Variants in ARL6IP6 observed in about 807,000 individuals in gnomAD.
ARL6IP6 encodes ADP-ribosylation factor-like protein 6-interacting protein 6.
Under a neutral mutation model 21.5 loss-of-function variants are expected in ARL6IP6, and 22 were observed. The ratio of observed to expected loss-of-function variants is 1.02; its 90% CI spans 0.73 to 1.46. ARL6IP6 has a LOEUF of 1.46. Ranked by LOEUF, ARL6IP6 falls within the 40% of genes most tolerant of loss-of-function variation. ARL6IP6 has a pLI of 0.00. For missense variants in ARL6IP6, 388 were observed against 299.8 expected (o/e 1.29, Z -2.17); for synonymous variants, 164 against 125.3 (o/e 1.31, Z -2.06).
At chr2:152,746,992 A>C (rs967195952) in intron 3 of ARL6IP6, among the ~76,000 whole-genome samples, 4 of 151,446 alleles carry the variant, frequency 2.6e-5, no homozygotes, top group African/African-American at 9.7e-5. Flanking sequence ...TGCCTGGCTA[A>C]ATTTTTTATT....
At chr2:152,722,775 G>T (rs182072784) in intron 2 of ARL6IP6, among the ~76,000 whole-genome samples, 298 of 152,268 alleles carry the variant, frequency 2.0e-3, no homozygotes, top group African/African-American at 6.8e-3. Context: ...GGGCATGGTG[G>T]CACAGGCCTG....
intron 3 of ARL6IP6, among the ~76,000 whole-genome samples, chr2:152,757,921 G>T (rs540501309): frequency 6.6e-6 from 1 of 152,132 alleles, no homozygotes; most frequent in African/African-American, 2.4e-5. Flanking sequence ...TGTAGTTGTC[G>T]GCTTAGTAAA....
intron 2 of ARL6IP6, among the ~76,000 whole-genome samples, chr2:152,727,378 AAAGT>A (rs774465653): frequency 2.0e-5 from 3 of 152,234 alleles, no homozygotes; most frequent in Non-Finnish European, 4.4e-5. Context: ...TAAAATTTAT[AAAGT>A]AAGAAAGTTA....
chr2:152,731,351 T>A (rs890144859), intron 2 of ARL6IP6, among the ~76,000 whole-genome samples: 2 of 152,182 alleles, frequency 1.3e-5, no homozygotes, highest in Admixed American at 6.5e-5. Context: ...TTACTGAGCT[T>A]CACAAGATTT....
Position 152,720,096 on chromosome 2 carries a change from C to G in ARL6IP6, c.401-437C>G, listed in dbSNP as rs1480422202. 5 of 342,238 alleles carry G rather than the reference C, an allele frequency of 1.5e-5. No homozygotes were observed. The East Asian group carries it at 2.4e-4, about 17-fold the overall frequency. The allele number at this position is 342,238 out of a possible 1,614,324, so 21.2% of individuals were successfully genotyped here. A position where few individuals can be genotyped will look rare whatever the true frequency, so the allele number is the denominator to read the frequency against. ...TCATTCCCCTCCCCACTTTTTTGCC[C>G]TTTTTTGCAATTCTGATAGTTTTGT... On this transcript the variant is annotated intron_variant, in intron 1 of 3. Coordinates refer to ENST00000326446, the MANE Select transcript of ARL6IP6 (RefSeq NM_152522.7).
intron 2 of ARL6IP6, among the ~76,000 whole-genome samples, chr2:152,722,230 A>G (rs543853161): frequency 6.6e-6 from 1 of 152,376 alleles, no homozygotes; most frequent in Non-Finnish European, 1.5e-5. Flanking sequence ...GGTATGCATG[A>G]TAGATACTTA....
chr2:152,754,453 T>A (rs1254901931), intron 3 of ARL6IP6, among the ~76,000 whole-genome samples: 1 of 152,260 alleles, frequency 6.6e-6, no homozygotes, highest in Non-Finnish European at 1.5e-5. Context: ...TACCATTTTT[T>A]AAATCCGTTC....
In ARL6IP6 at chr2:152,735,034, C is replaced by A. The variant is rs1207821955; in HGVS notation, c.495C>A (p.Phe165Leu). Residue 165 changes from phenylalanine to leucine, a missense_variant, in exon 3 of 4, where the codon TTC becomes TTA. Phe to Leu is a conservative substitution (Grantham distance 22, BLOSUM62 0). Transcript: ENST00000326446. ...TTATAATATCCCTAACTGCTGGATT[C>A]TCCTGTTGCAGCTTTTCTTGGACAG... ...TLLIISLTAGFSCCSFSWTVT... is the reference protein window; with the variant it reads ...TLLIISLTAGLSCCSFSWTVT... The A allele has an allele frequency of 2.5e-6, 4 of 1,613,212 alleles. No homozygotes were observed. Among genetic ancestry groups the A allele is most frequent in the Admixed American group, 3.3e-5 (2 of 60,000 alleles).
chr2:152,735,948 G>A lies in ARL6IP6; in HGVS notation c.587+822G>A, dbSNP rs564219155. 4.6e-5 allele frequency among the ~76,000 whole-genome samples: 7 copies of A among 152,108 alleles called. No homozygotes were observed. The South Asian group carries it at 1.5e-3, about 32-fold the overall frequency. On this transcript the variant is annotated intron_variant, in intron 3 of 3. Transcript: ENST00000326446. The stretch of plus-strand genomic sequence containing the variant: ...CTAGTATAGTTATTAATAATCATTG[G>A]TACTACTGGCCTTCATTATTAGTAA...
chr2:152,755,860 G>A (rs914174909), intron 3 of ARL6IP6, among the ~76,000 whole-genome samples: 2 of 152,152 alleles, frequency 1.3e-5, no homozygotes, highest in African/African-American at 4.8e-5. Context: ...AAAACCCACC[G>A]ACCCTGTGGG....
At chr2:152,730,289 C>T (rs80123007) in intron 2 of ARL6IP6, among the ~76,000 whole-genome samples, 1 of 152,202 alleles carries the variant, frequency 6.6e-6, no homozygotes, top group African/African-American at 2.4e-5. Flanking sequence ...GAAAGCCTCA[C>T]ATTTGATTAT....
intron 2 of ARL6IP6, among the ~76,000 whole-genome samples, chr2:152,731,861 A>G (rs545769502): frequency 8.3e-4 from 126 of 152,234 alleles, no homozygotes; most frequent in Middle Eastern, 3.4e-3. Flanking sequence ...TGTATAATAC[A>G]TATTTTCCCC....
chr2:152,738,870 T>C (rs1301852426), intron 3 of ARL6IP6, among the ~76,000 whole-genome samples: 1 of 137,236 alleles, frequency 7.3e-6, no homozygotes, highest in East Asian at 1.9e-4. Context: ...AAAATTGTTT[T>C]TTCTTTTCTG....
chr2:152,738,505 C>A (rs544430356), intron 3 of ARL6IP6, among the ~76,000 whole-genome samples: 2 of 152,230 alleles, frequency 1.3e-5, no homozygotes, highest in Non-Finnish European at 2.9e-5. Context: ...TTCCATACAT[C>A]CTCTGAAATC....
At chr2:152,750,045 T>G (rs1701249708) in intron 3 of ARL6IP6, among the ~76,000 whole-genome samples, 1 of 152,318 alleles carries the variant, frequency 6.6e-6, no homozygotes. Flanking sequence ...ACTAAAATAT[T>G]TATATCCTCT....
intron 2 of ARL6IP6, among the ~76,000 whole-genome samples, chr2:152,734,419 G>A (rs2105127369): frequency 6.6e-6 from 1 of 152,356 alleles, no homozygotes; most frequent in East Asian, 1.9e-4. Context: ...GGCGTGGAAT[G>A]AAAGGAATCA....
intron 1 of ARL6IP6, 97 bp downstream of exon 1, chr2:152,719,121 C>T (rs1444315331): frequency 3.7e-6 from 5 of 1,343,910 alleles, no homozygotes; most frequent in Non-Finnish European, 4.9e-6. Flanking sequence ...GCGCTAAGCC[C>T]TCAGGCTGGC....
chr2:152,753,259 A>C (rs1701422366), intron 3 of ARL6IP6, among the ~76,000 whole-genome samples: 2 of 152,210 alleles, frequency 1.3e-5, no homozygotes, highest in South Asian at 4.1e-4. Flanking sequence ...TAAATAAAAA[A>C]CTGATTCTTA....
chr2:152,760,022 T>A lies in ARL6IP6; in HGVS notation c.*182T>A. 1 of 532,374 alleles carries A rather than the reference T, an allele frequency of 1.9e-6. No homozygotes were observed. The allele number at this position is 532,374 out of a possible 1,614,324, so 33.0% of individuals were successfully genotyped here. A position where few individuals can be genotyped will look rare whatever the true frequency, so the allele number is the denominator to read the frequency against. Reference sequence around the variant, plus strand: ...AAAGCATTGTTTTAGAATGTCTGAGTATTAAGATACAGATTAATTGGGAAT... The same window carrying A: ...AAAGCATTGTTTTAGAATGTCTGAGAATTAAGATACAGATTAATTGGGAAT... On this transcript the variant is annotated 3_prime_UTR_variant, in exon 4 of 4. Transcript: ENST00000326446.
Sources: allele counts gnomAD v4.1 joint callset (sites outside exome capture counted in the v4.1 genomes callset), GRCh38; gene constraint gnomAD v4.1.1; transcripts MANE v1.5; gene names NCBI Gene and HGNC (gene_info 2026-07-23, HGNC 2026-07-21).